PCED1B: variants seen among roughly 807,000 people sequenced by gnomAD.
PCED1B encodes the protein PC-esterase domain-containing protein 1B.
For missense variants in PCED1B, 573 were observed against 573.9 expected, an observed-to-expected ratio of 1.00 and a Z score of 0.02; for synonymous variants, 251 against 246.1, an observed-to-expected ratio of 1.02 and a Z score of -0.19.
At chr12:47,142,940 T>C (rs1257207829) in intron 2 of PCED1B, among the ~76,000 whole-genome samples, 1 of 152,128 alleles carries the variant, frequency 6.6e-6, no homozygotes, top group Non-Finnish European at 1.5e-5. Flanking sequence ...TGATACATGA[T>C]GTTAACAAAA....
At chr12:47,211,703 A>G (rs1943089319) in intron 2 of PCED1B, among the ~76,000 whole-genome samples, 2 of 150,734 alleles carry the variant, frequency 1.3e-5, no homozygotes, top group African/African-American at 4.9e-5. Context: ...CAGGCCTGTA[A>G]TTCCAGCACT....
At chr12:47,189,638 G>T (rs1286416759) in intron 2 of PCED1B, among the ~76,000 whole-genome samples, 1 of 152,138 alleles carries the variant, frequency 6.6e-6, no homozygotes, top group African/African-American at 2.4e-5. Context: ...GGACTTACTT[G>T]CAAGGTCTTA....
intron 1 of PCED1B, among the ~76,000 whole-genome samples, chr12:47,095,178 T>C (rs1938437347): frequency 6.6e-6 from 1 of 151,936 alleles, no homozygotes; most frequent in African/African-American, 2.4e-5. Flanking sequence ...TGAAAACATC[T>C]TTATTCTACT....
At chr12:47,232,905 TTTTATTTATTTATTTATTTA>T (rs66480040) in intron 3 of PCED1B, among the ~76,000 whole-genome samples, 3 of 144,234 alleles carry the variant, frequency 2.1e-5, no homozygotes, top group East Asian at 2.0e-4. Context: ...GACCTAGAAA[TTTTATTTATTTATTTATTTA>T]TTTATTTATT....
rs929244398 is a variant in PCED1B at position 47,180,751 on chromosome 12, GA to G, written c.-525-35462del. 1.4e-4 allele frequency among the ~76,000 whole-genome samples: 21 copies of G among 150,792 alleles called. 1 individual carries two copies. The highest frequency in any genetic ancestry group is 8.4e-4 in the South Asian group (4 of 4,760). On this transcript the variant is annotated intron_variant, in intron 2 of 3. Coordinates refer to ENST00000546455, the MANE Select transcript of PCED1B (RefSeq NM_138371.3). ...ACAAGGAACTTAAACAAATTTATGA[GA>G]AAAAAAAATTAAAACGTGGGCAAAG...
chr12:47,208,614 T>G (rs1403111249), intron 2 of PCED1B: 1 of 152,176 alleles, frequency 6.6e-6, no homozygotes, highest in Non-Finnish European at 1.5e-5. Flanking sequence ...CCTCAAGTGA[T>G]GCACCCACCT....
chr12:47,222,992 C>A (rs1399783536), intron 3 of PCED1B, among the ~76,000 whole-genome samples: 4 of 152,126 alleles, frequency 2.6e-5, no homozygotes, highest in African/African-American at 9.7e-5. Flanking sequence ...ATAGGGTTAC[C>A]TCATTTCCTG....
chr12:47,169,916 T>A (rs1397219401), intron 2 of PCED1B, among the ~76,000 whole-genome samples: 24 of 104,236 alleles, frequency 2.3e-4, no homozygotes, highest in Non-Finnish European at 4.2e-4. Context: ...TTTTTTTTTT[T>A]AGTATCATTC....
chr12:47,223,021 GAC>G (rs1943531358), intron 3 of PCED1B, among the ~76,000 whole-genome samples: 1 of 152,120 alleles, frequency 6.6e-6, no homozygotes, highest in South Asian at 2.1e-4. Context: ...AAAATGGGTG[GAC>G]ACACGAGGAT....
intron 2 of PCED1B, among the ~76,000 whole-genome samples, chr12:47,198,869 G>A (rs1296892610): frequency 6.6e-6 from 1 of 151,908 alleles, no homozygotes; most frequent in East Asian, 1.9e-4. Flanking sequence ...GGGAGACTGA[G>A]ACAGGATAAT....
intron 2 of PCED1B, among the ~76,000 whole-genome samples, chr12:47,174,635 T>C (rs530814952): frequency 3.3e-5 from 5 of 152,242 alleles, no homozygotes; most frequent in South Asian, 2.1e-4. Flanking sequence ...TTACCTTTTT[T>C]ATTCCCATGC....
At chr12:47,144,780 C>T (rs1377559591) in intron 2 of PCED1B, among the ~76,000 whole-genome samples, 2 of 152,320 alleles carry the variant, frequency 1.3e-5, no homozygotes, top group Non-Finnish European at 2.9e-5. Context: ...AATCAACAAA[C>T]GTTGTGTGTG....
chr12:47,121,924 C>T (rs1321482684), intron 2 of PCED1B, among the ~76,000 whole-genome samples: 8 of 150,696 alleles, frequency 5.3e-5, no homozygotes, highest in African/African-American at 1.7e-4. Context: ...CCCAGCTACT[C>T]GGGAGGCTGA....
At chr12:47,228,707 TA>T (rs539550493) in intron 3 of PCED1B, among the ~76,000 whole-genome samples, 126 of 151,820 alleles carry the variant, frequency 8.3e-4, no homozygotes, top group African/African-American at 2.2e-3. Context: ...CCGTCTCTAC[TA>T]AAAAAACTAC....
chr12:47,220,649 A>T (rs73110250), intron 3 of PCED1B, among the ~76,000 whole-genome samples: 1 of 152,220 alleles, frequency 6.6e-6, no homozygotes, highest in Non-Finnish European at 1.5e-5. Flanking sequence ...GGGTACAAGG[A>T]TGGGTGAGAC....
chr12:47,236,324 A>AG lies in PCED1B; in HGVS notation c.1262dup (p.Arg422LysfsTer7). On this transcript the variant is annotated frameshift_variant, in exon 4 of 4. Transcript: ENST00000546455. LOFTEE classifies it low-confidence loss of function (END_TRUNC). ...GGGACAGCGGCCTCGACCTTCAAAG[A>AG]GAAGGGCCCCAGCCAATCCTGAGCC... 1 of 1,611,174 alleles carries AG rather than the reference A, an allele frequency of 6.2e-7. No homozygotes were observed. The highest frequency in any genetic ancestry group is 1.1e-5 in the South Asian group (1 of 90,712).
chr12:47,167,941 G>A (rs781255003), intron 2 of PCED1B, among the ~76,000 whole-genome samples: 1 of 152,152 alleles, frequency 6.6e-6, no homozygotes, highest in African/African-American at 2.4e-5. Context: ...GATGAGGGAA[G>A]GTGGTCGGGA....
At chr12:47,114,575 A>G (rs1046826120) in intron 2 of PCED1B, among the ~76,000 whole-genome samples, 1 of 152,114 alleles carries the variant, frequency 6.6e-6, no homozygotes, top group African/African-American at 2.4e-5. Context: ...TCAAAATTAC[A>G]TTGCCGTTGT....
chr12:47,159,450 G>A (rs1202722961), intron 2 of PCED1B, among the ~76,000 whole-genome samples: 3 of 152,116 alleles, frequency 2.0e-5, no homozygotes, highest in Non-Finnish European at 2.9e-5. Flanking sequence ...TAATTGGGAT[G>A]AGATGATATC....
Sources: gnomAD v4.1 joint callset for allele counts (sites outside exome capture counted in the v4.1 genomes callset) on GRCh38, gnomAD v4.1.1 for gene constraint, MANE v1.5 for transcripts, NCBI Gene and HGNC (gene_info 2026-07-23, HGNC 2026-07-21) for gene names.